The following CCND3 variants were observed in gnomAD, a reference collection of about 807,000 sequenced individuals.
CCND3 encodes the protein G1/S-specific cyclin-D3.
A neutral mutation model predicts 28.7 loss-of-function variants in CCND3; 9 were observed. The observed-to-expected ratio is 0.31, with a 90% CI of 0.19 to 0.55. The LOEUF (loss-of-function observed/expected upper bound fraction) is 0.55, where lower values mean the gene tolerates loss of function less well. Among genes scored for constraint, CCND3 ranks in the 20% least tolerant of loss-of-function variants. The pLI, the probability that CCND3 is intolerant of heterozygous loss-of-function variation, is 0.93. For synonymous variants in CCND3, 164 were observed against 163.9 expected (o/e 1.00, Z 0.00); for missense variants, 315 against 385.8 (o/e 0.82, Z 1.54).
chr6:41,989,876 A>T lies in CCND3; in HGVS notation c.-45-49291T>A, dbSNP rs559372411. ...CGTGCACACAAAAACCTGCACACAG[A>T]TGTTGATAGTGGCTTTATTCATAAT... is the stretch of plus-strand genomic sequence containing the variant. On this transcript the variant is annotated intron_variant, in intron 1 of 4. Coordinates refer to the CCND3 transcript ENST00000372988. Among the ~76,000 whole-genome samples the T allele has an allele frequency of 5.9e-5, 9 of 152,326 alleles. No homozygotes were observed. The East Asian group carries it at 1.7e-3, about 29-fold the overall frequency.
At chr6:41,949,278 T>G (rs1490568219) in intron 1 of CCND3, among the ~76,000 whole-genome samples, 2 of 151,512 alleles carry the variant, frequency 1.3e-5, no homozygotes, top group Non-Finnish European at 2.9e-5. Context: ...GGCCAGTCGT[T>G]CAAGACCAGC....
chr6:41,997,978 TAAA>T (rs373867665), intron 1 of CCND3, among the ~76,000 whole-genome samples: 133,475 of 139,908 alleles, frequency 0.95, 63,803 homozygotes, highest in East Asian at 0.99. Flanking sequence ...CAGTATCTAC[TAAA>T]AAAAAAAAAA....
intron 1 of CCND3, among the ~76,000 whole-genome samples, chr6:42,044,313 C>A (rs186818344): frequency 3.6e-4 from 55 of 152,328 alleles, no homozygotes; most frequent in Admixed American, 1.0e-3. Context: ...TCCCTGAAAC[C>A]AGTCAGCGCC....
chr6:41,937,467 A>G, intron 2 of CCND3, 73 bp from the exon 3 acceptor site: 1 of 1,565,728 alleles, frequency 6.4e-7, no homozygotes, highest in Non-Finnish European at 8.7e-7. Flanking sequence ...GAAGTCTCAA[A>G]GTCTCAGGCA....
chr6:41,987,141 T>C (rs898962249), intron 1 of CCND3, among the ~76,000 whole-genome samples: 1 of 152,038 alleles, frequency 6.6e-6, no homozygotes, highest in Non-Finnish European at 1.5e-5. Context: ...TTTCTATTTT[T>C]ACAGTAGGAA....
At chr6:42,014,945 T>C (rs1343776937) in intron 1 of CCND3, among the ~76,000 whole-genome samples, 2 of 152,214 alleles carry the variant, frequency 1.3e-5, no homozygotes, top group South Asian at 4.1e-4. Context: ...GCCATACATA[T>C]CTTCACTAAG....
chr6:41,972,702 A>G (rs903686951), intron 1 of CCND3, among the ~76,000 whole-genome samples: 3 of 151,976 alleles, frequency 2.0e-5, no homozygotes, highest in Non-Finnish European at 4.4e-5. Flanking sequence ...TTGGGTCTGA[A>G]TGTAGAATTT....
intron 1 of CCND3, among the ~76,000 whole-genome samples, chr6:41,970,024 C>A (rs1185562045): frequency 6.6e-6 from 1 of 151,964 alleles, no homozygotes; most frequent in African/African-American, 2.4e-5. Context: ...AGCAACATAG[C>A]AGGACCTCGT....
chr6:41,948,996 T>C, intron 1 of CCND3, among the ~76,000 whole-genome samples: 1 of 152,182 alleles, frequency 6.6e-6, no homozygotes, highest in South Asian at 2.1e-4. Flanking sequence ...CTGCTTAGCT[T>C]CAGACTTTTG....
rs1162806893 is a variant in CCND3 at position 42,036,377 on chromosome 6, C to CTATATATATA, written c.-46+12114_-46+12123dup. 1.0e-3 allele frequency among the ~76,000 whole-genome samples: 60 copies of CTATATATATA among 59,582 alleles called. 2 individuals carry two copies. The highest frequency in any genetic ancestry group is 8.8e-3 in the East Asian group (13 of 1,474). 39.1% of individuals were successfully genotyped at this position (59,582 alleles called of 152,430 possible). A position where few individuals can be genotyped will look rare whatever the true frequency, so the allele number is the denominator to read the frequency against. ...TTGCCCAGGCTGGAGTGCATATATA[C>CTATATATATA]TATATATATATATATATATATATAT... On this transcript the variant is annotated intron_variant, in intron 1 of 4. Coordinates refer to the CCND3 transcript ENST00000372988.
At chr6:42,003,015 A>G (rs1347492474) in intron 1 of CCND3, among the ~76,000 whole-genome samples, 1 of 151,496 alleles carries the variant, frequency 6.6e-6, no homozygotes, top group Non-Finnish European at 1.5e-5. Context: ...ATACAATATT[A>G]GCTGGGTGTG....
At chr6:41,953,511 T>C (rs1433012380) in intron 1 of CCND3, among the ~76,000 whole-genome samples, 1 of 152,010 alleles carries the variant, frequency 6.6e-6, no homozygotes, top group Non-Finnish European at 1.5e-5. Flanking sequence ...GGGTAATTAT[T>C]TCAGTGCCCA....
chr6:42,005,745 G>A (rs1031680399), intron 1 of CCND3, among the ~76,000 whole-genome samples: 3 of 151,604 alleles, frequency 2.0e-5, no homozygotes, highest in Admixed American at 1.3e-4. Context: ...GTGCAAAGGC[G>A]CAATCTCAGC....
intron 1 of CCND3, among the ~76,000 whole-genome samples, chr6:41,993,909 C>T (rs956571802): frequency 3.6e-5 from 5 of 138,320 alleles, no homozygotes; most frequent in Admixed American, 2.3e-4. Context: ...GGTGACAGAG[C>T]GACAGACTCT....
At chr6:41,989,453 TCAAAAAAAAAAAA>T (rs1229592824) in intron 1 of CCND3, among the ~76,000 whole-genome samples, 175 of 39,770 alleles carry the variant, frequency 4.4e-3, no homozygotes, top group African/African-American at 0.016. Context: ...AAACACTGTC[TCAAAAAAAAAAAA>T]CAAAAAAAAA....
At position 42,017,234 on chromosome 6, in the gene CCND3, A is replaced by C. The variant is rs183622172; in HGVS notation, c.-46+31267T>G. Among the ~76,000 whole-genome samples, 21 of 152,262 alleles carry C rather than the reference A, an allele frequency of 1.4e-4. No homozygotes were observed. In the East Asian group the frequency reaches 3.1e-3, roughly 22 times the overall value. ...GTCCCCTGCCTCAGCTGTCTCCCTA[A>C]TCAGGGGCCCACAGCCTCTCCAGCA... On this transcript the variant is annotated intron_variant, in intron 1 of 4. Transcript: ENST00000372988.
chr6:41,949,377 C>T (rs747732287), intron 1 of CCND3, among the ~76,000 whole-genome samples: 6 of 152,026 alleles, frequency 3.9e-5, no homozygotes, highest in Non-Finnish European at 5.9e-5. Flanking sequence ...TGGTGACGCA[C>T]GCCTGTAATC....
chr6:41,980,035 C>CACACACACACACACACACA (rs1337473570), intron 1 of CCND3, among the ~76,000 whole-genome samples: 1 of 151,814 alleles, frequency 6.6e-6, no homozygotes, highest in Admixed American at 6.6e-5. Flanking sequence ...CACACACACA[C>CACACACACACACACACACA]AATCAAACCT....
intron 1 of CCND3, among the ~76,000 whole-genome samples, chr6:42,036,245 G>A (rs1013688509): frequency 2.7e-5 from 4 of 147,144 alleles, no homozygotes; most frequent in African/African-American, 7.5e-5. Flanking sequence ...CATCTGCCTC[G>A]GCCTCCCAAA....
Sources: gnomAD v4.1 joint callset for allele counts (sites outside exome capture counted in the v4.1 genomes callset) on GRCh38, gnomAD v4.1.1 for gene constraint, MANE v1.5 for transcripts, NCBI Gene and HGNC (gene_info 2026-07-23, HGNC 2026-07-21) for gene names.